The following DFFA variants were observed in gnomAD, a reference collection of about 807,000 sequenced individuals.
DFFA encodes DNA fragmentation factor subunit alpha, also known as DFF45.
A neutral mutation model predicts 28.0 loss-of-function variants in DFFA; 14 were observed. That is an observed-to-expected ratio of 0.50 (90% confidence interval 0.33 to 0.78). The LOEUF (loss-of-function observed/expected upper bound fraction) is 0.78. DFFA is among the 30% of genes least tolerant of loss of function. DFFA has a pLI of 0.02. For synonymous variants in DFFA, 158 were observed against 170.3 expected, an observed-to-expected ratio of 0.93 and a Z score of 0.56; for missense variants, 395 against 407.1, an observed-to-expected ratio of 0.97 and a Z score of 0.26.
In DFFA at chr1:10,457,681, C is replaced by G. The variant is rs141032835; in HGVS notation, c.*3809G>C. The G allele has an allele frequency of 6.6e-6, 1 of 152,090 alleles. No individual in the cohort carries two copies. 9.4% of individuals were successfully genotyped at this position (152,090 alleles called of 1,614,324 possible). ...CAACAGAGCAAAGCCTCAAACAAAACGAAAACGAAACAAAACAAATATAGT... is the reference window on the plus strand; with the variant it reads ...CAACAGAGCAAAGCCTCAAACAAAAGGAAAACGAAACAAAACAAATATAGT... On this transcript the variant is annotated 3_prime_UTR_variant, in exon 6 of 6. Transcript: ENST00000377038.
In DFFA at chr1:10,469,245, A is replaced by G; in HGVS notation, c.230T>C (p.Leu77Pro). The G allele has an allele frequency of 6.2e-7, 1 of 1,614,194 alleles. No individual in the cohort carries two copies. ...AAACTTAGTATTGGAAGGTAGACACAGAAAGTAATCGTCATCATCCACTAT... is the reference window on the plus strand; with the variant it reads ...AAACTTAGTATTGGAAGGTAGACACGGAAAGTAATCGTCATCATCCACTAT... The part of the protein sequence containing the change: ...GTIVDDDDYF[L>P]CLPSNTKFVA... The change falls in exon 2 of 6, where the codon CTG (leucine) becomes CCG (proline). Residue 77 changes from leucine (L) to proline (P), a missense_variant. Transcript: ENST00000377038.
At chr1:10,463,366 C>T in intron 4 of DFFA, 65 bp downstream of exon 4, 1 of 1,560,724 alleles carries the variant, frequency 6.4e-7, no homozygotes, top group Non-Finnish European at 8.7e-7. Flanking sequence ...CAAATAGTGT[C>T]CTCCCAAGGG....
rs144037035 is a variant in DFFA, at chr1:10,463,147, A to T, written c.694T>A (p.Ser232Thr). 6.2e-7 allele frequency: 1 copy of T among 1,614,132 alleles called. No homozygotes were observed. ...TGGCTCGCCAGCGCAACGTCCGAGG[A>T]GGTCTCTCTGCTGATACCCGTGTCT... ...AVDTGISRET[S>T]SDVALASHIL... The change falls in exon 5 of 6, where the codon TCC becomes ACC. Residue 232 changes from serine (S) to threonine (T), a missense_variant. Physicochemically the swap from Ser to Thr is moderately conservative, Grantham distance 58. Transcript: ENST00000377038.
At chr1:10,469,681 C>G (rs141276310) in intron 1 of DFFA, among the ~76,000 whole-genome samples, 1 of 151,988 alleles carries the variant, frequency 6.6e-6, no homozygotes, top group Non-Finnish European at 1.5e-5. Context: ...CCACCATGTC[C>G]GGCTAATTTT....
chr1:10,467,371 G>T (rs763523699), intron 2 of DFFA, 39 bp from the exon 3 acceptor site: 2 of 1,613,086 alleles, frequency 1.2e-6, no homozygotes, highest in South Asian at 2.2e-5. Flanking sequence ...AGAACAACCT[G>T]AAGTGCTGTT....
Position 10,461,783 on chromosome 1 carries a change from T to A in DFFA, c.784-81A>T, listed in dbSNP as rs1640945333. Reference sequence around the variant, plus strand: ...GCTCTCCTGACTCTCTTTTGGGGAGTGCAATGAGGCAGTATCCGTTTATGT... The same window carrying A: ...GCTCTCCTGACTCTCTTTTGGGGAGAGCAATGAGGCAGTATCCGTTTATGT... On this transcript the variant is annotated intron_variant, in intron 5 of 5. Coordinates refer to ENST00000377038, the MANE Select transcript of DFFA (RefSeq NM_004401.3). 13 of 1,567,930 alleles carry A rather than the reference T, an allele frequency of 8.3e-6. No homozygotes were observed. The East Asian group carries it at 2.7e-4, about 33-fold the overall frequency.
rs2124334549 is a variant in DFFA at position 10,459,606 on chromosome 1, C to T, written c.*1884G>A. The T allele has an allele frequency of 6.6e-6, 1 of 152,142 alleles. No individual in the cohort carries two copies. Among genetic ancestry groups the T allele is most frequent in the East Asian group, 1.9e-4 (1 of 5,176 alleles). 9.4% of individuals were successfully genotyped at this position (152,142 alleles called of 1,614,324 possible). A position where few individuals can be genotyped will look rare whatever the true frequency, so the allele number is the denominator to read the frequency against. ...AACAAGATTGTGGCCATAGTCAACACTCTATAATGTCACCATCTTCACCAC... is the reference window on the plus strand; with the variant it reads ...AACAAGATTGTGGCCATAGTCAACATTCTATAATGTCACCATCTTCACCAC... On this transcript the variant is annotated 3_prime_UTR_variant, in exon 6 of 6. Coordinates refer to ENST00000377038, the MANE Select transcript of DFFA (RefSeq NM_004401.3).
intron 1 of DFFA, among the ~76,000 whole-genome samples, chr1:10,471,054 C>T (rs1319582558): frequency 8.7e-6 from 1 of 114,968 alleles, no homozygotes; most frequent in Non-Finnish European, 1.8e-5. Context: ...CAGAGTGACA[C>T]TCCGTCTCAA....
chr1:10,467,337 C>T lies in DFFA; in HGVS notation c.299-5G>A, dbSNP rs201753478. ...AAATCCAAGCTGTACCTCCATCTGA[C>T]ACATGGGAGAAAATGCCAGTCACAG... On this transcript the variant is annotated splice_region_variant and splice_polypyrimidine_tract_variant and intron_variant, in intron 2 of 5. Transcript: ENST00000377038. The T allele has an allele frequency of 5.0e-5, 80 of 1,614,010 alleles. 1 individual carries two copies. The South Asian group carries it at 7.5e-4, about 15-fold the overall frequency.
rs1641105430 is a variant in DFFA, at chr1:10,472,026, G to T, written c.136+297C>A. Reference sequence around the variant, plus strand: ...GGCGGAGTGGCAGGAACCCAGTGGGGTCCGTTTGGTCCAACATCGAAGTGA... The same window carrying T: ...GGCGGAGTGGCAGGAACCCAGTGGGTTCCGTTTGGTCCAACATCGAAGTGA... On this transcript the variant is annotated intron_variant, in intron 1 of 5. Transcript: ENST00000377038. The surrounding 1 kb of genome is among the most constrained non-coding windows in gnomAD (Gnocchi z 5.0). Among the ~76,000 whole-genome samples, 1 of 152,096 alleles carries T rather than the reference G, an allele frequency of 6.6e-6. No homozygotes were observed. Among genetic ancestry groups the T allele is most frequent in the African/African-American group, 2.4e-5 (1 of 41,404 alleles).
intron 5 of DFFA, chr1:10,462,675 C>T (rs149855440): frequency 2.8e-5 from 29 of 1,031,862 alleles, no homozygotes; most frequent in Admixed American, 4.9e-5. Context: ...CAGCAGGCGA[C>T]GATCCCCTCA....
intron 1 of DFFA, among the ~76,000 whole-genome samples, 188 bp from the exon 2 acceptor site, chr1:10,469,526 TTTC>T (rs1401211223): frequency 1.3e-5 from 2 of 152,110 alleles, no homozygotes; most frequent in Admixed American, 1.3e-4. Flanking sequence ...TAAGTGTTCT[TTTC>T]TTTTTTTTTG....
intron 2 of DFFA, among the ~76,000 whole-genome samples, chr1:10,467,695 G>C (rs1470177209): frequency 6.6e-6 from 1 of 152,074 alleles, no homozygotes; most frequent in Non-Finnish European, 1.5e-5. Context: ...ATTTTTAGTA[G>C]AGACGGGCTT....
chr1:10,456,632 G>A lies in DFFA; in HGVS notation c.*4858C>T, dbSNP rs890260248. 1.3e-5 allele frequency: 2 copies of A among 150,658 alleles called. No homozygotes were observed. The highest frequency in any genetic ancestry group is 1.3e-4 in the Admixed American group (2 of 15,006). The allele number at this position is 150,658 out of a possible 1,614,324, so 9.3% of individuals were successfully genotyped here. A position where few individuals can be genotyped will look rare whatever the true frequency, so the allele number is the denominator to read the frequency against. On this transcript the variant is annotated 3_prime_UTR_variant, in exon 6 of 6. Transcript: ENST00000377038. ...TACAGACTACTATTATTTTATTCTT[G>A]TCTCTCTGGAAAATGAAAAATCCAT...
At chr1:10,469,869 T>C (rs1457957950) in intron 1 of DFFA, among the ~76,000 whole-genome samples, 1 of 146,578 alleles carries the variant, frequency 6.8e-6, no homozygotes, top group Non-Finnish European at 1.5e-5. Context: ...CAGGCTGGCG[T>C]GCAGTAGTAC....
At position 10,461,351 on chromosome 1, in the gene DFFA, T is replaced by C; in HGVS notation, c.*139A>G. On this transcript the variant is annotated 3_prime_UTR_variant, in exon 6 of 6. Coordinates refer to ENST00000377038, the MANE Select transcript of DFFA (RefSeq NM_004401.3). ...AAAAAAATTGGTGGAACGGCGTATG[T>C]TGAGACCTGGAATAGCTTCTCTGGA... The C allele has an allele frequency of 7.1e-7, 1 of 1,413,834 alleles. No homozygotes were observed. Among genetic ancestry groups the C allele is most frequent in the Non-Finnish European group, 9.3e-7 (1 of 1,075,998 alleles). The allele number at this position is 1,413,834 out of a possible 1,614,324, so 87.6% of individuals were successfully genotyped here.
chr1:10,463,888 C>A (rs1166209302), intron 3 of DFFA, among the ~76,000 whole-genome samples: 1 of 152,010 alleles, frequency 6.6e-6, no homozygotes, highest in African/African-American at 2.4e-5. Flanking sequence ...TGGTCTTGAA[C>A]TCCTGACCTC....
chr1:10,462,837 T>C, intron 5 of DFFA: 2 of 1,383,732 alleles, frequency 1.4e-6, no homozygotes, highest in Non-Finnish European at 1.9e-6. Context: ...TGGACCAGAG[T>C]CTGTTTGATG....
chr1:10,467,277 GCTGT>G lies in DFFA; in HGVS notation c.350_353del (p.Asp117AlafsTer5). On this transcript the variant is annotated frameshift_variant, in exon 3 of 6. Coordinates refer to ENST00000377038, the MANE Select transcript of DFFA (RefSeq NM_004401.3). LOFTEE classifies it high-confidence loss of function. ...CATTCTTCCACTTCAACCCTGCCCC[GCTGT>G]CTGTTTCATCTACATCAAAGGACTC... The G allele has an allele frequency of 6.2e-7, 1 of 1,614,022 alleles. No homozygotes were observed. Among genetic ancestry groups the G allele is most frequent in the Non-Finnish European group, 8.5e-7 (1 of 1,180,000 alleles).
Sources: allele counts gnomAD v4.1 joint callset (sites outside exome capture counted in the v4.1 genomes callset), GRCh38; gene constraint gnomAD v4.1.1; non-coding constraint Gnocchi (gnomAD v3.1); transcripts MANE v1.5; gene names NCBI Gene and HGNC (gene_info 2026-07-23, HGNC 2026-07-21).